ABCA13: variants seen among roughly 807,000 people sequenced by gnomAD.
ABCA13 encodes ATP binding cassette subfamily A member 13.
Under a neutral mutation model 478.7 loss-of-function variants are expected in ABCA13, and 476 were observed. That is an observed-to-expected ratio of 0.99 (90% confidence interval 0.92 to 1.07). ABCA13 has a LOEUF of 1.07. Ranked by LOEUF, ABCA13 falls within the 50% of genes least tolerant of loss-of-function variation. The pLI, the probability that ABCA13 is intolerant of heterozygous loss-of-function variation, is 0.00. For missense variants in ABCA13, 6,060 were observed against 5,910.6 expected (o/e 1.03, Z -0.83); for synonymous variants, 2,252 against 2,158.9 (o/e 1.04, Z -1.20).
chr7:48,195,880 A>T (rs1198024162), intron 2 of ABCA13, among the ~76,000 whole-genome samples: 1 of 152,040 alleles, frequency 6.6e-6, no homozygotes. Flanking sequence ...GTAGATAAGG[A>T]CTGACAAGTT....
At position 48,440,965 on chromosome 7, in the gene ABCA13, TATC is replaced by T. The variant is rs1395609627; in HGVS notation, c.12565+13097_12565+13099del. ...TATGACATAAAAATGTAATTTTAGTTATCATTCAAATTATAAATCTGGGAACTG... is the reference window on the plus strand; with the variant it reads ...TATGACATAAAAATGTAATTTTAGTTATTCAAATTATAAATCTGGGAACTG... On this transcript the variant is annotated intron_variant, in intron 42 of 61. Transcript: ENST00000435803. Among the ~76,000 whole-genome samples the T allele has an allele frequency of 1.4e-4, 22 of 152,214 alleles. 1 individual carries two copies. The highest frequency in any genetic ancestry group is 1.3e-3 in the Admixed American group (20 of 15,276).
Position 48,645,933 on chromosome 7 carries a change from C to G in ABCA13, c.*421C>G. ...CCCACAGGTTAAAAAACTTTAGTAA[C>G]TTGTTTGTATAGAAAATAGTAACAA... On this transcript the variant is annotated 3_prime_UTR_variant, in exon 62 of 62. Transcript: ENST00000435803. 5.9e-6 allele frequency: 1 copy of G among 168,116 alleles called. No individual in the cohort carries two copies. Among genetic ancestry groups the G allele is most frequent in the South Asian group, 1.6e-4 (1 of 6,194 alleles). 10.4% of individuals were successfully genotyped at this position (168,116 alleles called of 1,614,324 possible). A position where few individuals can be genotyped will look rare whatever the true frequency, so the allele number is the denominator to read the frequency against.
intron 29 of ABCA13, among the ~76,000 whole-genome samples, chr7:48,346,458 T>C (rs1808119343): frequency 6.6e-6 from 1 of 151,850 alleles, no homozygotes; most frequent in African/African-American, 2.4e-5. Flanking sequence ...AGTAGAAAAA[T>C]GTCTCCAGTT....
chr7:48,515,258 A>G (rs1018825277), intron 51 of ABCA13, among the ~76,000 whole-genome samples: 7 of 152,212 alleles, frequency 4.6e-5, no homozygotes, highest in Non-Finnish European at 1.0e-4. Flanking sequence ...AGCTCCGGAT[A>G]TATGAGAATC....
chr7:48,279,221 A>G lies in ABCA13; in HGVS notation c.8027A>G (p.Glu2676Gly). 6.3e-7 allele frequency: 1 copy of G among 1,590,824 alleles called. No individual in the cohort carries two copies. Among genetic ancestry groups the G allele is most frequent in the Non-Finnish European group, 8.6e-7 (1 of 1,167,394 alleles). ...ATGGATTCTGTCAACTTACGGGAAG[A>G]AATTCTGGGTTGCTTAGTTCCTATA... Reference protein sequence around the residue: ...FSMDSVNLREEILGCLVPINN... With the variant: ...FSMDSVNLREGILGCLVPINN... Residue 2676 changes from glutamate (E) to glycine (G), a missense_variant, in exon 18 of 62, where the codon GAA (glutamate) becomes GGA (glycine). Transcript: ENST00000435803.
intron 29 of ABCA13, among the ~76,000 whole-genome samples, chr7:48,341,056 A>C (rs1005364885): frequency 6.6e-6 from 1 of 152,206 alleles, no homozygotes; most frequent in Non-Finnish European, 1.5e-5. Context: ...AGTTGCTCCC[A>C]CTATGGTAAT....
intron 45 of ABCA13, among the ~76,000 whole-genome samples, chr7:48,478,360 G>A (rs1034436347): frequency 4.0e-5 from 6 of 149,174 alleles, no homozygotes; most frequent in African/African-American, 1.5e-4. Flanking sequence ...TTTAATATAT[G>A]CATTACCTCA....
At chr7:48,461,709 G>A (rs1305358568) in intron 43 of ABCA13, among the ~76,000 whole-genome samples, 3 of 152,036 alleles carry the variant, frequency 2.0e-5, no homozygotes, top group Admixed American at 1.3e-4. Flanking sequence ...GCTGGTAGTC[G>A]TACCTCTTAG....
In ABCA13 at chr7:48,535,991, C is replaced by G. The variant is rs1378205241; in HGVS notation, c.14354+7646C>G. On this transcript the variant is annotated intron_variant, in intron 55 of 61. Coordinates refer to ENST00000435803, the MANE Select transcript of ABCA13 (RefSeq NM_152701.5). ...CATGGTTTTCCGATGTCTCATTGAG[C>G]CAGCAGCAGTGATCCAGTTCCTTCA... Among the ~76,000 whole-genome samples, 5 of 152,312 alleles carry G rather than the reference C, an allele frequency of 3.3e-5. No homozygotes were observed. The East Asian group carries it at 9.7e-4, about 29-fold the overall frequency.
intron 59 of ABCA13, among the ~76,000 whole-genome samples, chr7:48,635,099 T>TTAGACAGCCTG (rs1794517671): frequency 6.6e-6 from 1 of 151,850 alleles, no homozygotes; most frequent in Non-Finnish European, 1.5e-5. Context: ...CTCTGGTAAA[T>TTAGACAGCCTG]TAGACAGCCT....
In ABCA13 at chr7:48,273,666, CT is replaced by C. The variant is rs1340852723; in HGVS notation, c.4002del (p.Arg1335GlufsTer24). 6.2e-7 allele frequency: 1 copy of C among 1,607,650 alleles called. No homozygotes were observed. On this transcript the variant is annotated frameshift_variant, in exon 17 of 62. Coordinates refer to ENST00000435803, the MANE Select transcript of ABCA13 (RefSeq NM_152701.5). LOFTEE classifies it high-confidence loss of function. ...TGAGCTAAGAGAAGCAATAGTATTT[CT>C]TAGAAATGTATCACATGATCGAGAT... is the stretch of plus-strand genomic sequence containing the variant. The part of the protein sequence containing the change: ...ITELREAIVF[L>X]RNVSHDRDLF...
chr7:48,441,481 C>T (rs1000078728), intron 42 of ABCA13, among the ~76,000 whole-genome samples: 1 of 152,238 alleles, frequency 6.6e-6, no homozygotes, highest in African/African-American at 2.4e-5. Context: ...TAACTCACTC[C>T]TTGCTTTTCT....
intron 1 of ABCA13, among the ~76,000 whole-genome samples, chr7:48,176,076 C>T (rs1286792078): frequency 6.6e-6 from 1 of 152,150 alleles, no homozygotes; most frequent in Non-Finnish European, 1.5e-5. Flanking sequence ...GGAGCAGTGA[C>T]CATTCACAGG....
chr7:48,374,524 A>G (rs900028197), intron 34 of ABCA13, 108 bp downstream of exon 34: 21 of 1,007,962 alleles, frequency 2.1e-5, no homozygotes, highest in Non-Finnish European at 2.9e-5. Flanking sequence ...CAAGTAGAGC[A>G]TTCAGAATGA....
At chr7:48,230,366 G>T (rs887636740) in intron 7 of ABCA13, among the ~76,000 whole-genome samples, 4 of 152,192 alleles carry the variant, frequency 2.6e-5, no homozygotes. Flanking sequence ...TGGACTTACA[G>T]AGTCCCTAAC....
Position 48,410,639 on chromosome 7 carries a change from G to A in ABCA13, c.12190G>A (p.Ala4064Thr), listed in dbSNP as rs1818885615. The change falls in exon 40 of 62, where the codon GCA (alanine) becomes ACA (threonine). Residue 4064 changes from alanine to threonine, a missense_variant. Transcript: ENST00000435803. ...CCGPPFCLKE[A>T]YGQGLRLTLT... is the part of the protein sequence containing the mutation. ...CGGTCCTCCCTTCTGCCTGAAGGAG[G>A]CATATGGCCAGGGGCTCCGCCTGAC... 1 of 1,614,038 alleles carries A rather than the reference G, an allele frequency of 6.2e-7. No individual in the cohort carries two copies. The highest frequency in any genetic ancestry group is 1.1e-5 in the South Asian group (1 of 91,090).
intron 59 of ABCA13, among the ~76,000 whole-genome samples, chr7:48,633,770 T>A (rs965880179): frequency 5.3e-5 from 8 of 150,910 alleles, no homozygotes; most frequent in Middle Eastern, 3.5e-3. Flanking sequence ...GCACCTATAA[T>A]CCCAGCTACT....
intron 53 of ABCA13, among the ~76,000 whole-genome samples, chr7:48,521,775 C>T (rs34611305): frequency 0.084 from 12,776 of 152,064 alleles, 939 homozygotes; most frequent in African/African-American, 0.2. Flanking sequence ...ATCCTTGTTA[C>T]CCACAGTAAA....
chr7:48,438,265 A>G (rs1315597044), intron 42 of ABCA13, among the ~76,000 whole-genome samples: 2 of 152,162 alleles, frequency 1.3e-5, no homozygotes, highest in African/African-American at 4.8e-5. Flanking sequence ...AAAGTCAAGT[A>G]AAACACCACA....
Sources: gnomAD v4.1 joint callset for allele counts (sites outside exome capture counted in the v4.1 genomes callset) on GRCh38, gnomAD v4.1.1 for gene constraint, MANE v1.5 for transcripts, NCBI Gene and HGNC (gene_info 2026-07-23, HGNC 2026-07-21) for gene names.